Variants in SERTM1 observed in about 807,000 individuals in gnomAD.
The protein encoded by SERTM1 is serine-rich and transmembrane domain-containing protein 1.
Under a neutral mutation model 5.5 loss-of-function variants are expected in SERTM1, and 1 was observed. The observed-to-expected ratio is 0.18, with a 90% CI of 0.06 to 0.86. The LOEUF is 0.86. SERTM1 is among the 40% of genes least tolerant of loss of function. SERTM1 has a pLI of 0.69. For missense variants in SERTM1, 91 were observed against 122.4 expected (o/e 0.74, Z 1.21); for synonymous variants, 52 against 55.1 (o/e 0.94, Z 0.25).
At chr13:36,684,527 A>G (rs1030831344) in intron 1 of SERTM1, among the ~76,000 whole-genome samples, 1 of 152,036 alleles carries the variant, frequency 6.6e-6, no homozygotes, top group Non-Finnish European at 1.5e-5. Flanking sequence ...CTCCTCCACA[A>G]GCATCCTGGG....
chr13:36,694,781 G>A, intron 1 of SERTM1, 125 bp from the exon 2 acceptor site: 1 of 384,050 alleles, frequency 2.6e-6, no homozygotes, highest in East Asian at 4.6e-5. Flanking sequence ...GATTCCTAGG[G>A]GAGTTATATC....
intron 1 of SERTM1, among the ~76,000 whole-genome samples, chr13:36,687,658 G>A (rs566868395): frequency 2.6e-5 from 4 of 152,188 alleles, no homozygotes; most frequent in African/African-American, 9.6e-5. Flanking sequence ...CAACTATCAA[G>A]ATATTCTAAG....
chr13:36,687,495 G>A (rs1176957940), intron 1 of SERTM1, among the ~76,000 whole-genome samples: 1 of 151,882 alleles, frequency 6.6e-6, no homozygotes, highest in African/African-American at 2.4e-5. Context: ...TCCTTAATGG[G>A]GAATCTTTAC....
chr13:36,696,719 T>C lies in SERTM1; in HGVS notation c.*1317T>C, dbSNP rs937004689. ...AACAAAACAATCAAACTGCAGCTCC[T>C]TAAGAGTAAGAATTTTAATTTAATT... On this transcript the variant is annotated 3_prime_UTR_variant, in exon 2 of 2. Coordinates refer to ENST00000315190, the MANE Select transcript of SERTM1 (RefSeq NM_203451.3). 6 of 166,992 alleles carry C rather than the reference T, an allele frequency of 3.6e-5. No individual in the cohort carries two copies. The highest frequency in any genetic ancestry group is 1.4e-4 in the African/African-American group (6 of 41,440). 10.3% of individuals were successfully genotyped at this position (166,992 alleles called of 1,614,324 possible).
At chr13:36,680,951 T>C (rs935290144) in intron 1 of SERTM1, among the ~76,000 whole-genome samples, 1 of 152,192 alleles carries the variant, frequency 6.6e-6, no homozygotes, top group African/African-American at 2.4e-5. Flanking sequence ...GCTATATATT[T>C]GCAGTTAGTT....
intron 1 of SERTM1, among the ~76,000 whole-genome samples, chr13:36,681,082 G>C (rs2138086108): frequency 6.6e-6 from 1 of 152,288 alleles, no homozygotes; most frequent in Non-Finnish European, 1.5e-5. Flanking sequence ...TGCTGGTAAG[G>C]AGATTGCTGC....
intron 1 of SERTM1, among the ~76,000 whole-genome samples, chr13:36,687,265 C>T (rs1458810053): frequency 6.6e-6 from 1 of 152,098 alleles, no homozygotes; most frequent in Non-Finnish European, 1.5e-5. Context: ...ATGCAAGACA[C>T]ATAACATTTA....
Position 36,697,312 on chromosome 13 carries a change from A to AATATATATATATATATATATAT in SERTM1, c.*1914_*1935dup, listed in dbSNP as rs57478418. On this transcript the variant is annotated 3_prime_UTR_variant, in exon 2 of 2. Coordinates refer to ENST00000315190, the MANE Select transcript of SERTM1 (RefSeq NM_203451.3). ...ATACGCACACACACACACACACATAAATATATATATATATATATATATATA... is the reference window on the plus strand; with the variant it reads ...ATACGCACACACACACACACACATAAATATATATATATATATATATATATATATATATATATATATATATATA... 190 of 143,756 alleles carry AATATATATATATATATATATAT rather than the reference A, an allele frequency of 1.3e-3. 2 individuals are homozygous for AATATATATATATATATATATAT. The highest frequency in any genetic ancestry group is 4.9e-3 in the African/African-American group (177 of 36,146). 8.9% of individuals were successfully genotyped at this position (143,756 alleles called of 1,614,324 possible). A position where few individuals can be genotyped will look rare whatever the true frequency, so the allele number is the denominator to read the frequency against.
rs1566234377 is a variant in SERTM1 at position 36,697,280 on chromosome 13, CAT to C, written c.*1886_*1887del. The C allele has an allele frequency of 1.1e-4, 15 of 137,342 alleles. No homozygotes were observed. The highest frequency in any genetic ancestry group is 2.0e-4 in the Non-Finnish European group (12 of 60,386). 8.5% of individuals were successfully genotyped at this position (137,342 alleles called of 1,614,324 possible). On this transcript the variant is annotated 3_prime_UTR_variant, in exon 2 of 2. Transcript: ENST00000315190. Reference sequence around the variant, plus strand: ...CATTCTCTGAATATATGTATATATACATATATATACGCACACACACACACACA... The same window carrying C: ...CATTCTCTGAATATATGTATATATACATATATACGCACACACACACACACA...
chr13:36,692,254 C>T (rs1431255372), intron 1 of SERTM1, among the ~76,000 whole-genome samples: 2 of 152,212 alleles, frequency 1.3e-5, no homozygotes, highest in African/African-American at 4.8e-5. Flanking sequence ...TATAAACTCT[C>T]CTGTCAACAG....
At chr13:36,678,952 G>A (rs1331061634) in intron 1 of SERTM1, among the ~76,000 whole-genome samples, 1 of 151,982 alleles carries the variant, frequency 6.6e-6, no homozygotes, top group Non-Finnish European at 1.5e-5. Flanking sequence ...AATAGTTCAT[G>A]CAACAAGCAG....
chr13:36,674,303 T>A (rs1244312427), intron 1 of SERTM1, 119 bp downstream of exon 1: 2 of 113,034 alleles, frequency 1.8e-5, no homozygotes, highest in Non-Finnish European at 4.0e-5. Context: ...CCTCCCAGAC[T>A]CTCCCCCGAG....
At chr13:36,681,542 A>G (rs1173619809) in intron 1 of SERTM1, among the ~76,000 whole-genome samples, 1 of 152,230 alleles carries the variant, frequency 6.6e-6, no homozygotes, top group Non-Finnish European at 1.5e-5. Context: ...GTAGCTAACA[A>G]TCCTATGGTA....
intron 1 of SERTM1, among the ~76,000 whole-genome samples, chr13:36,680,725 T>C (rs2056699571): frequency 6.6e-6 from 1 of 152,162 alleles, no homozygotes; most frequent in African/African-American, 2.4e-5. Flanking sequence ...TTCAATGGTT[T>C]TACTTTGTTG....
chr13:36,695,062 C>T lies in SERTM1; in HGVS notation c.-17C>T, dbSNP rs61744457. On this transcript the variant is annotated 5_prime_UTR_variant, in exon 2 of 2. Coordinates refer to ENST00000315190, the MANE Select transcript of SERTM1 (RefSeq NM_203451.3). ...TTGACTTTAATCTACCAGATCACTC[C>T]TTCACCCTCCATAAAGATGTCTGAA... 58,203 of 1,596,852 alleles carry T rather than the reference C, an allele frequency of 0.036. 1,178 individuals are homozygous for T. Among genetic ancestry groups the T allele is most frequent in the Non-Finnish European group, 0.041 (48,340 of 1,167,416 alleles).
rs763936000 is a variant in SERTM1, at chr13:36,695,118, G to A, written c.40G>A (p.Val14Met). Residue 14 changes from valine (V) to methionine (M), a missense_variant, in exon 2 of 2, where the codon GTG becomes ATG. By Grantham distance (21) the Val-to-Met change is conservative (BLOSUM62 1). Coordinates refer to ENST00000315190, the MANE Select transcript of SERTM1 (RefSeq NM_203451.3). The part of the protein sequence containing the change: ...PDTSSGFSGS[V>M]ENGTFLELFP... ...CACTTCCTCAGGATTTTCGGGAAGTGTGGAGAATGGAACTTTTCTTGAGCT... is the reference window on the plus strand; with the variant it reads ...CACTTCCTCAGGATTTTCGGGAAGTATGGAGAATGGAACTTTTCTTGAGCT... 54 of 1,614,034 alleles carry A rather than the reference G, an allele frequency of 3.3e-5. No homozygotes were observed. The highest frequency in any genetic ancestry group is 4.5e-5 in the Non-Finnish European group (53 of 1,180,010).
At chr13:36,674,503 G>C (rs1299294047) in intron 1 of SERTM1, among the ~76,000 whole-genome samples, 1 of 152,088 alleles carries the variant, frequency 6.6e-6, no homozygotes, top group African/African-American at 2.4e-5. Flanking sequence ...GACCTGCCTC[G>C]GTCCCAGACA....
intron 1 of SERTM1, among the ~76,000 whole-genome samples, chr13:36,685,126 C>T (rs986241210): frequency 6.6e-6 from 1 of 152,224 alleles, no homozygotes; most frequent in Non-Finnish European, 1.5e-5. Flanking sequence ...TTTCCACCCA[C>T]ACTTGATAGC....
At chr13:36,678,581 G>A (rs2056683477) in intron 1 of SERTM1, among the ~76,000 whole-genome samples, 1 of 150,870 alleles carries the variant, frequency 6.6e-6, no homozygotes, top group African/African-American at 2.4e-5. Context: ...CTATGTGATG[G>A]GATGATAGGT....
Sources: allele counts gnomAD v4.1 joint callset (sites outside exome capture counted in the v4.1 genomes callset), GRCh38; gene constraint gnomAD v4.1.1; transcripts MANE v1.5; gene names NCBI Gene and HGNC (gene_info 2026-07-23, HGNC 2026-07-21).